Variants in SLC4A8 observed in about 807,000 individuals in gnomAD.
SLC4A8 encodes solute carrier family 4 member 8, also known as electroneutral sodium bicarbonate exchanger 1.
SLC4A8 carries 40 observed loss-of-function variants against 125.0 expected under a neutral mutation model. The ratio of observed to expected loss-of-function variants is 0.32; its 90% CI spans 0.25 to 0.42. SLC4A8 has a LOEUF of 0.42. Ranked by LOEUF, SLC4A8 falls within the 10% of genes least tolerant of loss-of-function variation. The probability of loss-of-function intolerance (pLI) is 1.00; values close to 1 mark genes in which losing one functional copy is unlikely to be tolerated. For synonymous variants in SLC4A8, 456 were observed against 476.0 expected (o/e 0.96, Z 0.55); for missense variants, 863 against 1,355.1 (o/e 0.64, Z 5.70).
chr12:51,450,030 A>G (rs939049621), intron 2 of SLC4A8, among the ~76,000 whole-genome samples: 2 of 152,158 alleles, frequency 1.3e-5, no homozygotes, highest in African/African-American at 2.4e-5. Flanking sequence ...TACTGTCTCA[A>G]GAAGAAAAAG....
intron 16 of SLC4A8, 148 bp downstream of exon 16, chr12:51,475,354 C>G (rs1950828195): frequency 4.1e-6 from 3 of 739,196 alleles, no homozygotes; most frequent in Admixed American, 5.0e-5. Flanking sequence ...CTCCTAGTGT[C>G]TGGCAGCCTC....
At chr12:51,399,545 TGATA>T (rs1397132966) in intron 1 of SLC4A8, among the ~76,000 whole-genome samples, 1 of 152,248 alleles carries the variant, frequency 6.6e-6, no homozygotes, top group Non-Finnish European at 1.5e-5. Context: ...TTTGTGGCTC[TGATA>T]GATTTCCAGA....
Position 51,429,403 on chromosome 12 carries a change from ATG to A in SLC4A8, c.48+4369_48+4370del, listed in dbSNP as rs760043148. ...GAAGGCAGGATGGGAAGAGACTGCA[ATG>A]AGGGAGGCCAGCTAGGAGGCCATTG... is the stretch of plus-strand genomic sequence containing the variant. On this transcript the variant is annotated intron_variant, in intron 1 of 24. Coordinates refer to ENST00000453097, the MANE Select transcript of SLC4A8 (RefSeq NM_001039960.3). Among the ~76,000 whole-genome samples, 21 of 152,332 alleles carry A rather than the reference ATG, an allele frequency of 1.4e-4. No individual in the cohort carries two copies. The South Asian group carries it at 1.7e-3, about 12-fold the overall frequency.
chr12:51,438,587 C>T (rs1017513083), intron 1 of SLC4A8, among the ~76,000 whole-genome samples: 1 of 152,244 alleles, frequency 6.6e-6, no homozygotes. Context: ...CTGCGATAAA[C>T]GTGGGGATGC....
chr12:51,472,023 G>T (rs1950714359), intron 14 of SLC4A8, among the ~76,000 whole-genome samples: 1 of 152,130 alleles, frequency 6.6e-6, no homozygotes, highest in Non-Finnish European at 1.5e-5. Flanking sequence ...ATCCAGAAGT[G>T]TCTCACACTG....
chr12:51,431,939 G>A (rs1394870685), intron 1 of SLC4A8, among the ~76,000 whole-genome samples: 1 of 152,132 alleles, frequency 6.6e-6, no homozygotes, highest in Non-Finnish European at 1.5e-5. Context: ...GGCAATCTTA[G>A]CATACTGACT....
intron 1 of SLC4A8, among the ~76,000 whole-genome samples, chr12:51,436,889 A>G (rs1179783176): frequency 2.0e-5 from 3 of 152,260 alleles, no homozygotes; most frequent in Non-Finnish European, 4.4e-5. Context: ...GGGCTCCCAA[A>G]GTGCTGGGAT....
chr12:51,418,424 A>T (rs1335706178), intron 1 of SLC4A8, among the ~76,000 whole-genome samples: 1 of 152,204 alleles, frequency 6.6e-6, no homozygotes, highest in Non-Finnish European at 1.5e-5. Context: ...TACAAGTTAT[A>T]GTCTAATTAT....
chr12:51,475,185 G>A lies in SLC4A8; in HGVS notation c.2151G>A (p.Thr717=), dbSNP rs745896977. Residue 717 remains threonine (T), a synonymous_variant, in exon 16 of 25, where the codon ACG becomes ACA. Coordinates refer to ENST00000453097, the MANE Select transcript of SLC4A8 (RefSeq NM_001039960.3). The stretch of plus-strand genomic sequence containing the variant: ...CAAGCACCTTAAAGACGTTTAAGAC[G>A]AGCCGTTATTTCCCAACCAGAGTAG... ...ILSSTLKTFK[T]SRYFPTRVRS... 13 of 1,613,924 alleles carry A rather than the reference G, an allele frequency of 8.1e-6. No individual in the cohort carries two copies. In the African/African-American group the frequency reaches 1.1e-4, roughly 13 times the overall value.
chr12:51,424,995 C>A lies in SLC4A8; in HGVS notation c.8C>A (p.Ala3Asp), dbSNP rs1343713616. 6.4e-6 allele frequency: 10 copies of A among 1,554,928 alleles called. No homozygotes were observed. The highest frequency in any genetic ancestry group is 1.9e-5 in the Admixed American group (1 of 51,814). Reference protein sequence around the residue: MPAAGSNEPDGVL... With the variant: MPDAGSNEPDGVL... ...ACCTAGTTCGGCTCCGCCATGCCGG[C>A]CGCCGGGAGTAACGAGCCGGACGGC... The change falls in exon 1 of 25, where the codon GCC becomes GAC. Residue 3 changes from alanine to aspartate, a missense_variant. Around this residue, in one of 6 missense-constraint regions of SLC4A8, gnomAD observed 104 missense variants for 116.4 expected, o/e 0.89. Transcript: ENST00000453097.
In SLC4A8 at chr12:51,411,954, C is replaced by T. The variant is rs534780269; in HGVS notation, c.-112+20466C>T. Among the ~76,000 whole-genome samples the T allele has an allele frequency of 5.1e-4, 78 of 151,808 alleles. 2 individuals carry two copies. The highest frequency in any genetic ancestry group is 3.3e-3 in the South Asian group (16 of 4,790). On this transcript the variant is annotated intron_variant, in intron 1 of 24. Coordinates refer to the SLC4A8 transcript ENST00000358657. ...GCATGTGCCTGTGGTTCCAGCTACTCGGGAGGCTGAGGTGGGAGGATCGCT... is the reference window on the plus strand; with the variant it reads ...GCATGTGCCTGTGGTTCCAGCTACTTGGGAGGCTGAGGTGGGAGGATCGCT...
At chr12:51,408,686 A>G (rs940626496) in intron 1 of SLC4A8, among the ~76,000 whole-genome samples, 1 of 152,102 alleles carries the variant, frequency 6.6e-6, no homozygotes, top group Non-Finnish European at 1.5e-5. Context: ...GCCCAGGAGT[A>G]TGGCTGAGGG....
At position 51,443,652 on chromosome 12, in the gene SLC4A8, C is replaced by T. The variant is rs528318904; in HGVS notation, c.130+2863C>T. On this transcript the variant is annotated intron_variant, in intron 2 of 24. Coordinates refer to ENST00000453097, the MANE Select transcript of SLC4A8 (RefSeq NM_001039960.3). ...GGAGTGAGTTTAAGGCCTTCTAATACGTTTTTAACAGAGGTAAGAGCCATT... is the reference window on the plus strand; with the variant it reads ...GGAGTGAGTTTAAGGCCTTCTAATATGTTTTTAACAGAGGTAAGAGCCATT... Among the ~76,000 whole-genome samples, 203 of 152,172 alleles carry T rather than the reference C, an allele frequency of 1.3e-3. 2 individuals carry two copies. Among genetic ancestry groups the T allele is most frequent in the African/African-American group, 2.6e-3 (109 of 41,518 alleles).
chr12:51,392,369 C>T (rs1221926959), intron 1 of SLC4A8, among the ~76,000 whole-genome samples: 1 of 151,714 alleles, frequency 6.6e-6, no homozygotes, highest in Non-Finnish European at 1.5e-5. Context: ...GTTAGGAATT[C>T]GAGACCAGCC....
In SLC4A8 at chr12:51,507,465, G is replaced by T; in HGVS notation, c.*27G>T. On this transcript the variant is annotated 3_prime_UTR_variant, in exon 25 of 25. Coordinates refer to ENST00000453097, the MANE Select transcript of SLC4A8 (RefSeq NM_001039960.3). Reference sequence around the variant, plus strand: ...AGTCTTTGCTGGGATGGAAGATTTGGGCCGTGTGGTGCCTCAGGGAAGTTC... The same window carrying T: ...AGTCTTTGCTGGGATGGAAGATTTGTGCCGTGTGGTGCCTCAGGGAAGTTC... 7.2e-7 allele frequency: 1 copy of T among 1,382,458 alleles called. No individual in the cohort carries two copies. Among genetic ancestry groups the T allele is most frequent in the Non-Finnish European group, 9.4e-7 (1 of 1,060,640 alleles). 85.6% of individuals were successfully genotyped at this position (1,382,458 alleles called of 1,614,324 possible). A position where few individuals can be genotyped will look rare whatever the true frequency, so the allele number is the denominator to read the frequency against.
At chr12:51,395,382 A>G (rs1948238867) in intron 1 of SLC4A8, among the ~76,000 whole-genome samples, 1 of 147,516 alleles carries the variant, frequency 6.8e-6, no homozygotes, top group Non-Finnish European at 1.5e-5. Context: ...TGGCTGTTTT[A>G]GATTCGGGTT....
chr12:51,451,168 C>CT, intron 3 of SLC4A8, 146 bp downstream of exon 3: 4 of 781,178 alleles, frequency 5.1e-6, no homozygotes, highest in Non-Finnish European at 7.4e-6. Flanking sequence ...AGAAATGCCT[C>CT]TAAGAGTCAA....
intron 24 of SLC4A8, among the ~76,000 whole-genome samples, chr12:51,507,144 C>T (rs1938205134): frequency 6.6e-6 from 1 of 152,174 alleles, no homozygotes; most frequent in Non-Finnish European, 1.5e-5. Flanking sequence ...GTCACAGCCA[C>T]CAGTGGGTGG....
chr12:51,415,702 T>C (rs552437745), intron 1 of SLC4A8, among the ~76,000 whole-genome samples: 1 of 151,642 alleles, frequency 6.6e-6, no homozygotes, highest in African/African-American at 2.4e-5. Context: ...AAACCTTTAT[T>C]GTTATAAAGT....
Sources: allele counts gnomAD v4.1 joint callset (sites outside exome capture counted in the v4.1 genomes callset), GRCh38; gene constraint gnomAD v4.1.1; regional missense constraint gnomAD v4.1.1; transcripts MANE v1.5; gene names NCBI Gene and HGNC (gene_info 2026-07-23, HGNC 2026-07-21).